Variants in CENPE observed in about 807,000 individuals in gnomAD.
CENPE encodes centromere-associated protein E.
Under a neutral mutation model 336.1 loss-of-function variants are expected in CENPE, and 145 were observed. The observed-to-expected ratio is 0.43, with a 90% CI of 0.38 to 0.50. The LOEUF is 0.50. Ranked by LOEUF, CENPE falls within the 20% of genes least tolerant of loss-of-function variation. The pLI is 0.00. For synonymous variants in CENPE, 1,013 were observed against 984.8 expected (o/e 1.03, Z -0.54); for missense variants, 2,719 against 3,023.3 (o/e 0.90, Z 2.36).
Position 103,140,283 on chromosome 4 carries a change from A to C in CENPE, c.5886T>G (p.Asp1962Glu). 3 of 1,602,980 alleles carry C rather than the reference A, an allele frequency of 1.9e-6. No homozygotes were observed. Among genetic ancestry groups the C allele is most frequent in the Non-Finnish European group, 8.5e-7 (1 of 1,175,700 alleles). ...TTTTCTGTAATTCATCTTTTGATTT[A>C]TCTAAATCCTTTTGAATGTCTGAAA... ...IQISDIQKDL[D>E]KSKDELQKKI... is the part of the protein sequence containing the mutation. Residue 1962 changes from aspartate (D) to glutamate (E), a missense_variant, in exon 37 of 49, where the codon GAT (aspartate) becomes GAG (glutamate). By Grantham distance (45) the Asp-to-Glu change is conservative. Transcript: ENST00000265148.
intron 43 of CENPE, among the ~76,000 whole-genome samples, chr4:103,121,192 C>T (rs766832325): frequency 6.6e-6 from 1 of 152,132 alleles, no homozygotes; most frequent in Non-Finnish European, 1.5e-5. Context: ...CTATCTATAA[C>T]CAAATATACA....
chr4:103,114,276 C>A (rs932396021), intron 46 of CENPE, among the ~76,000 whole-genome samples, 179 bp downstream of exon 46: 1 of 152,098 alleles, frequency 6.6e-6, no homozygotes, highest in African/African-American at 2.4e-5. Context: ...TCTAAGATTA[C>A]AACAAACGAT....
chr4:103,161,719 T>G (rs1237654449), intron 18 of CENPE, among the ~76,000 whole-genome samples: 2 of 152,172 alleles, frequency 1.3e-5, no homozygotes, highest in Non-Finnish European at 2.9e-5. Flanking sequence ...GTTTAAAGGT[T>G]AAAACAACTG....
intron 28 of CENPE, 123 bp downstream of exon 28, chr4:103,148,721 C>T (rs1753276214): frequency 7.8e-6 from 7 of 894,832 alleles, no homozygotes; most frequent in Admixed American, 4.8e-5. Flanking sequence ...ACATTAAACA[C>T]TCGACAAATA....
chr4:103,177,887 C>T (rs1213728654), intron 13 of CENPE, among the ~76,000 whole-genome samples: 1 of 151,938 alleles, frequency 6.6e-6, no homozygotes, highest in African/African-American at 2.4e-5. Flanking sequence ...GCTACCAAAG[C>T]CACACCTGGA....
intron 10 of CENPE, 138 bp from the exon 11 acceptor site, chr4:103,183,029 T>TAATA: frequency 1.1e-6 from 1 of 894,892 alleles, no homozygotes; most frequent in South Asian, 1.9e-5. Flanking sequence ...AGATTAAAAC[T>TAATA]ACTAAAAAAT....
intron 16 of CENPE, among the ~76,000 whole-genome samples, chr4:103,173,010 C>G (rs565134718): frequency 3.9e-5 from 6 of 151,998 alleles, no homozygotes; most frequent in African/African-American, 1.4e-4. Context: ...TAAAAACAAT[C>G]CTCACATTCG....
At chr4:103,151,116 G>C in intron 26 of CENPE, 103 bp downstream of exon 26, 1 of 976,144 alleles carries the variant, frequency 1.0e-6, no homozygotes, top group Non-Finnish European at 1.6e-6. Context: ...TGTTCATTTG[G>C]GAGGTATGTG....
intron 21 of CENPE, 64 bp from the exon 22 acceptor site, chr4:103,159,388 GA>G (rs1460259356): frequency 5.2e-6 from 5 of 969,324 alleles, no homozygotes; most frequent in East Asian, 3.0e-5. Context: ...CAATTTTTAG[GA>G]AAAAAAGCTT....
At position 103,147,698 on chromosome 4, in the gene CENPE, A is replaced by T. The variant is rs767957498; in HGVS notation, c.3844-52T>A. The T allele has an allele frequency of 2.1e-5, 25 of 1,198,544 alleles. No individual in the cohort carries two copies. The African/African-American group carries it at 2.2e-4, about 11-fold the overall frequency. 74.2% of individuals were successfully genotyped at this position (1,198,544 alleles called of 1,614,324 possible). On this transcript the variant is annotated intron_variant, in intron 28 of 48. Transcript: ENST00000265148. ...TTACTATCAGGAGATTATGATCATA[A>T]TTTTTTTTTTTTTGAGACGGCATCT...
chr4:103,177,897 A>T (rs1756012392), intron 13 of CENPE, among the ~76,000 whole-genome samples: 1 of 151,928 alleles, frequency 6.6e-6, no homozygotes, highest in Non-Finnish European at 1.5e-5. Flanking sequence ...CCACACCTGG[A>T]CCTTGTCATT....
chr4:103,187,628 TACAAGA>T (rs568616136), intron 8 of CENPE, among the ~76,000 whole-genome samples: 2,674 of 152,244 alleles, frequency 0.018, 100 homozygotes, highest in African/African-American at 0.062. Context: ...AGGCCTGCCT[TACAAGA>T]GCTCCTGAAG....
chr4:103,147,223 G>C (rs1753129532), intron 29 of CENPE, 133 bp downstream of exon 29: 1 of 705,868 alleles, frequency 1.4e-6, no homozygotes, highest in Non-Finnish European at 2.3e-6. Context: ...TCTGTTTCTA[G>C]TCATTTCATG....
intron 35 of CENPE, among the ~76,000 whole-genome samples, 182 bp downstream of exon 35, chr4:103,141,568 G>A (rs183176358): frequency 7.2e-5 from 11 of 152,194 alleles, no homozygotes; most frequent in Admixed American, 5.2e-4. Context: ...AAGTATGTAC[G>A]TACTCTTTTC....
intron 13 of CENPE, among the ~76,000 whole-genome samples, 162 bp from the exon 14 acceptor site, chr4:103,177,208 C>T (rs535418416): frequency 1.3e-5 from 2 of 152,038 alleles, no homozygotes; most frequent in African/African-American, 4.8e-5. Flanking sequence ...AAAAAAAAAT[C>T]AAACTCTTGA....
At position 103,145,872 on chromosome 4, in the gene CENPE, T is replaced by C. The variant is rs1444860340; in HGVS notation, c.4370A>G (p.Glu1457Gly). 6.2e-7 allele frequency: 1 copy of C among 1,612,982 alleles called. No individual in the cohort carries two copies. The highest frequency in any genetic ancestry group is 8.5e-7 in the Non-Finnish European group (1 of 1,179,770). Residue 1457 changes from glutamate to glycine, a missense_variant, in exon 30 of 49, where the codon GAA (glutamate) becomes GGA (glycine). Transcript: ENST00000265148. ...LQRLQEVLQS[E>G]SDQLKENIKE... ...TATGTTTTCTTTGAGCTGGTCACTT[T>C]CAGATTGAAGAACTTCTTGCAGCCT... is the stretch of plus-strand genomic sequence containing the variant.
chr4:103,122,947 C>T lies in CENPE; in HGVS notation c.7067G>A (p.Gly2356Asp), dbSNP rs910502686. 1.2e-6 allele frequency: 2 copies of T among 1,613,786 alleles called. No homozygotes were observed. Among genetic ancestry groups the T allele is most frequent in the Non-Finnish European group, 1.7e-6 (2 of 1,179,736 alleles). Residue 2356 changes from glycine (G) to aspartate (D), a missense_variant, in exon 43 of 49, where the codon GGT becomes GAT. By Grantham distance (94) the Gly-to-Asp change is moderately conservative. Around this residue, in one of 5 missense-constraint regions of CENPE, gnomAD observed 2,437 missense variants for 2,513.3 expected, o/e 0.97. Coordinates refer to ENST00000265148, the MANE Select transcript of CENPE (RefSeq NM_001813.3). ...TTGTGTGGTAGGATTAACCTGGGCA[C>T]CAGATGCCAAGGAAGTCTTCAATGT... ...YQTLKTSLASGAQVNPTTQDN... is the reference protein window; with the variant it reads ...YQTLKTSLASDAQVNPTTQDN...
intron 46 of CENPE, among the ~76,000 whole-genome samples, chr4:103,111,647 AT>A (rs1330769991): frequency 2.6e-5 from 4 of 151,826 alleles, no homozygotes; most frequent in African/African-American, 9.7e-5. Context: ...CTTGATGTCT[AT>A]TTTATTTTGA....
intron 11 of CENPE, 147 bp downstream of exon 11, chr4:103,182,610 AAAATT>A (rs1183388060): frequency 1.8e-6 from 1 of 560,408 alleles, no homozygotes; most frequent in African/African-American, 1.9e-5. Context: ...GAAGTCTGGC[AAAATT>A]AAATTAAGAA....
Sources: allele counts gnomAD v4.1 joint callset (sites outside exome capture counted in the v4.1 genomes callset), GRCh38; gene constraint gnomAD v4.1.1; regional missense constraint gnomAD v4.1.1; transcripts MANE v1.5; gene names NCBI Gene and HGNC (gene_info 2026-07-23, HGNC 2026-07-21).